The following PTPRT variants were observed in gnomAD, a reference collection of about 807,000 sequenced individuals.
PTPRT encodes the protein protein tyrosine phosphatase receptor type T.
PTPRT carries 56 observed loss-of-function variants against 176.8 expected under a neutral mutation model. The observed-to-expected ratio is 0.32, with a 90% CI of 0.26 to 0.40. The LOEUF is 0.40. Ranked by LOEUF, PTPRT falls within the 10% of genes least tolerant of loss-of-function variation. PTPRT has a pLI of 1.00. For synonymous variants in PTPRT, 783 were observed against 739.0 expected (o/e 1.06, Z -0.96); for missense variants, 1,540 against 1,908.2 (o/e 0.81, Z 3.60).
chr20:42,204,864 C>A (rs1179433834), intron 15 of PTPRT, among the ~76,000 whole-genome samples: 1 of 151,978 alleles, frequency 6.6e-6, no homozygotes, highest in Admixed American at 6.6e-5. Flanking sequence ...GGACATTTCT[C>A]ACGGAGAGGG....
intron 7 of PTPRT, among the ~76,000 whole-genome samples, chr20:42,476,723 G>T (rs2071296242): frequency 6.6e-6 from 1 of 152,170 alleles, no homozygotes; most frequent in African/African-American, 2.4e-5. Flanking sequence ...TCGCATTCAG[G>T]AAAGGGAAAG....
chr20:42,258,971 A>T (rs375675350), intron 13 of PTPRT, among the ~76,000 whole-genome samples: 15 of 152,228 alleles, frequency 9.9e-5, no homozygotes, highest in African/African-American at 3.6e-4. Flanking sequence ...AAGAAGTTAG[A>T]ATTGACTTCA....
chr20:42,292,304 AT>A (rs527629031), intron 12 of PTPRT, among the ~76,000 whole-genome samples: 5,802 of 144,250 alleles, frequency 0.04, 289 homozygotes, highest in African/African-American at 0.12. Context: ...AGCACTAAGA[AT>A]TTTTTTTTTT....
intron 6 of PTPRT, among the ~76,000 whole-genome samples, chr20:42,694,040 CTT>C (rs56156122): frequency 0.2 from 26,924 of 138,036 alleles, 2,445 homozygotes; most frequent in African/African-American, 0.28. Context: ...ATTTTATTTT[CTT>C]TTTTTTTTTT....
intron 1 of PTPRT, among the ~76,000 whole-genome samples, chr20:43,100,430 C>T (rs187906617): frequency 3.9e-5 from 6 of 152,080 alleles, no homozygotes; most frequent in East Asian, 1.9e-4. Flanking sequence ...ATCACTGCAC[C>T]GAGTCAGTAT....
chr20:42,329,473 GCACACA>G (rs374374950), intron 11 of PTPRT, among the ~76,000 whole-genome samples: 24 of 145,060 alleles, frequency 1.7e-4, no homozygotes, highest in Admixed American at 6.2e-4. Context: ...GAATATAGTG[GCACACA>G]CACACACACA....
intron 1 of PTPRT, among the ~76,000 whole-genome samples, chr20:43,074,036 G>A (rs1377285698): frequency 6.6e-6 from 1 of 152,216 alleles, no homozygotes; most frequent in East Asian, 1.9e-4. Flanking sequence ...TTACAACTGT[G>A]AGCCACCATG....
chr20:42,770,319 C>T (rs6072868), intron 5 of PTPRT, among the ~76,000 whole-genome samples: 33,357 of 152,076 alleles, frequency 0.22, 3,914 homozygotes, highest in African/African-American at 0.28. Flanking sequence ...ATTTTCATGT[C>T]AAATCACCAC....
In PTPRT at chr20:42,434,662, G is replaced by A. The variant is rs376328701; in HGVS notation, c.1560+13558C>T. Among the ~76,000 whole-genome samples the A allele has an allele frequency of 2.9e-3, 393 of 137,490 alleles. 1 individual carries two copies. Among genetic ancestry groups the A allele is most frequent in the Middle Eastern group, 7.4e-3 (2 of 272 alleles). 90.2% of individuals were successfully genotyped at this position (137,490 alleles called of 152,430 possible). On this transcript the variant is annotated intron_variant, in intron 9 of 30. Transcript: ENST00000373187. ...AGAAAAGCCCATCCCATCTTCATAAGAAAAAAAAAAAAAAAGAGGCCAGGC... is the reference window on the plus strand; with the variant it reads ...AGAAAAGCCCATCCCATCTTCATAAAAAAAAAAAAAAAAAAGAGGCCAGGC...
intron 1 of PTPRT, among the ~76,000 whole-genome samples, chr20:42,985,222 T>C (rs1442955605): frequency 6.6e-6 from 1 of 151,944 alleles, no homozygotes; most frequent in Non-Finnish European, 1.5e-5. Flanking sequence ...TACCGCCGGG[T>C]GTGGTGGCTC....
intron 9 of PTPRT, among the ~76,000 whole-genome samples, chr20:42,416,931 C>G (rs181035134): frequency 6.6e-6 from 1 of 152,268 alleles, no homozygotes; most frequent in African/African-American, 2.4e-5. Context: ...ATATGTTGGG[C>G]TGTGGGACTG....
intron 11 of PTPRT, among the ~76,000 whole-genome samples, chr20:42,329,584 T>C (rs2057938776): frequency 6.6e-6 from 1 of 151,720 alleles, no homozygotes; most frequent in African/African-American, 2.4e-5. Flanking sequence ...GTGGAGGAAA[T>C]CTGTCAACTA....
At chr20:42,824,247 G>A (rs1159315822) in intron 2 of PTPRT, among the ~76,000 whole-genome samples, 1 of 152,032 alleles carries the variant, frequency 6.6e-6, no homozygotes, top group African/African-American at 2.4e-5. Flanking sequence ...GGAGTTTTCT[G>A]GAACTTGGCA....
intron 12 of PTPRT, among the ~76,000 whole-genome samples, chr20:42,300,716 G>A (rs952446932): frequency 8.0e-5 from 12 of 150,378 alleles, no homozygotes; most frequent in African/African-American, 2.9e-4. Flanking sequence ...AACAAATGAT[G>A]GAATTAGAAA....
Position 42,151,916 on chromosome 20 carries a change from C to A in PTPRT, c.2682+9436G>T, listed in dbSNP as rs1385014902. Among the ~76,000 whole-genome samples, 27 of 152,170 alleles carry A rather than the reference C, an allele frequency of 1.8e-4. 1 individual carries two copies. The highest frequency in any genetic ancestry group is 1.8e-3 in the Admixed American group (27 of 15,274). On this transcript the variant is annotated intron_variant, in intron 17 of 30. Transcript: ENST00000373187. ...GTCCCTCTAGGTATAGGTAAAATAG[C>A]ATTTAGGGAATGGGAACGTTTCATA...
At chr20:42,602,155 G>A (rs2073793780) in intron 7 of PTPRT, among the ~76,000 whole-genome samples, 1 of 152,114 alleles carries the variant, frequency 6.6e-6, no homozygotes, top group South Asian at 2.1e-4. Context: ...TTAGTGGGTG[G>A]CTTTTCCCAC....
At chr20:42,521,944 G>T (rs2072184305) in intron 7 of PTPRT, among the ~76,000 whole-genome samples, 1 of 152,006 alleles carries the variant, frequency 6.6e-6, no homozygotes, top group South Asian at 2.1e-4. Context: ...ACATGGCTCA[G>T]TGTTGGCAAT....
At chr20:43,120,471 C>T (rs1455080666) in intron 1 of PTPRT, among the ~76,000 whole-genome samples, 1 of 152,166 alleles carries the variant, frequency 6.6e-6, no homozygotes, top group African/African-American at 2.4e-5. Flanking sequence ...CGGGGTTTCA[C>T]CATGTTAGCC....
intron 15 of PTPRT, among the ~76,000 whole-genome samples, chr20:42,206,500 C>A (rs923770082): frequency 2.0e-5 from 3 of 152,174 alleles, no homozygotes; most frequent in African/African-American, 7.2e-5. Flanking sequence ...GTTCCCTTTC[C>A]GAGTCAAAGA....
Sources: allele counts gnomAD v4.1 joint callset (sites outside exome capture counted in the v4.1 genomes callset), GRCh38; gene constraint gnomAD v4.1.1; transcripts MANE v1.5; gene names NCBI Gene and HGNC (gene_info 2026-07-23, HGNC 2026-07-21).